Variants in DCLK1 observed in about 807,000 individuals in gnomAD.
The protein encoded by DCLK1 is serine/threonine-protein kinase DCLK1.
In DCLK1, 16 loss-of-function variants were observed where a neutral mutation model predicts 86.2. That is an observed-to-expected ratio of 0.19 (90% CI 0.13 to 0.28). The LOEUF is 0.28. Among genes scored for constraint, DCLK1 ranks in the 10% least tolerant of loss-of-function variants. The pLI is 1.00. For synonymous variants in DCLK1, 369 were observed against 370.5 expected (o/e 1.00, Z 0.05); for missense variants, 590 against 940.2 (o/e 0.63, Z 4.87).
intron 11 of DCLK1, among the ~76,000 whole-genome samples, chr13:35,818,405 G>A (rs900402681): frequency 6.6e-5 from 10 of 152,200 alleles, no homozygotes; most frequent in South Asian, 2.1e-4. Context: ...AATCCACTGC[G>A]TGAAAACAAG....
intron 3 of DCLK1, among the ~76,000 whole-genome samples, chr13:36,059,495 A>T (rs1883458913): frequency 6.6e-6 from 1 of 152,148 alleles, no homozygotes; most frequent in Non-Finnish European, 1.5e-5. Flanking sequence ...CCCTCCAGAG[A>T]CTATTTTCTC....
intron 15 of DCLK1, among the ~76,000 whole-genome samples, chr13:35,796,227 C>T (rs534947616): frequency 6.6e-6 from 1 of 152,182 alleles, no homozygotes; most frequent in South Asian, 2.1e-4. Flanking sequence ...CAGGCTACCT[C>T]GGGCAAAATG....
chr13:35,776,882 C>G (rs1566525861), intron 16 of DCLK1, among the ~76,000 whole-genome samples: 1 of 152,196 alleles, frequency 6.6e-6, no homozygotes, highest in Non-Finnish European at 1.5e-5. Flanking sequence ...CTGAAATACA[C>G]CATTCTCCAC....
intron 3 of DCLK1, among the ~76,000 whole-genome samples, chr13:35,956,383 A>T (rs189892977): frequency 1.4e-4 from 21 of 152,308 alleles, no homozygotes; most frequent in African/African-American, 4.8e-4. Context: ...GCAAGTAGGT[A>T]GTTAACATTG....
chr13:35,785,730 A>G (rs902315562), intron 16 of DCLK1, among the ~76,000 whole-genome samples: 1 of 152,164 alleles, frequency 6.6e-6, no homozygotes, highest in African/African-American at 2.4e-5. Flanking sequence ...AAAAACAGCC[A>G]TGAGCGCTTT....
intron 4 of DCLK1, among the ~76,000 whole-genome samples, chr13:35,897,445 T>C (rs1325252957): frequency 6.6e-6 from 1 of 152,118 alleles, no homozygotes; most frequent in African/African-American, 2.4e-5. Context: ...GAGATCTGAC[T>C]TTTTAGGAGC....
At chr13:35,861,038 A>T (rs973082788) in intron 5 of DCLK1, among the ~76,000 whole-genome samples, 9 of 152,228 alleles carry the variant, frequency 5.9e-5, no homozygotes, top group African/African-American at 2.2e-4. Flanking sequence ...GGAAAGGAAG[A>T]TGTCCTTCAC....
intron 6 of DCLK1, among the ~76,000 whole-genome samples, chr13:35,839,971 A>G (rs2153108065): frequency 6.6e-6 from 1 of 152,334 alleles, no homozygotes; most frequent in Non-Finnish European, 1.5e-5. Context: ...TGCACATTTC[A>G]ATGCTATTTC....
At chr13:36,056,906 A>ATATATATATAT in intron 3 of DCLK1, among the ~76,000 whole-genome samples, 2 of 130,174 alleles carry the variant, frequency 1.5e-5, no homozygotes, top group South Asian at 4.9e-4. Context: ...AAAAAAAAAA[A>ATATATATATAT]ATATATATAT....
rs562246474 is a variant in DCLK1 at position 35,896,103 on chromosome 13, G to A, written c.824-24763C>T. 2.5e-3 allele frequency among the ~76,000 whole-genome samples: 377 copies of A among 152,182 alleles called. 1 individual carries two copies. Among genetic ancestry groups the A allele is most frequent in the Non-Finnish European group, 4.3e-3 (290 of 67,992 alleles). Reference sequence around the variant, plus strand: ...GTTAAACGTATATATGCCCCAAAAGGAAAGTAATATTTTGAATATTTATTT... The same window carrying A: ...GTTAAACGTATATATGCCCCAAAAGAAAAGTAATATTTTGAATATTTATTT... On this transcript the variant is annotated intron_variant, in intron 4 of 16. Coordinates refer to ENST00000360631, the MANE Select transcript of DCLK1 (RefSeq NM_001330071.2).
At chr13:36,027,581 C>G (rs1882094284) in intron 3 of DCLK1, among the ~76,000 whole-genome samples, 1 of 152,198 alleles carries the variant, frequency 6.6e-6, no homozygotes, top group South Asian at 2.1e-4. Context: ...ATGTCAACAA[C>G]TGATCCTCCA....
chr13:36,094,178 C>T (rs1192274217), intron 3 of DCLK1, among the ~76,000 whole-genome samples: 1 of 152,188 alleles, frequency 6.6e-6, no homozygotes, highest in Non-Finnish European at 1.5e-5. Context: ...CACCCCTCCA[C>T]AAATCATCTT....
chr13:36,114,176 G>C (rs917560129), intron 2 of DCLK1, among the ~76,000 whole-genome samples: 7 of 152,336 alleles, frequency 4.6e-5, no homozygotes, highest in Non-Finnish European at 7.4e-5. Context: ...AACATGGAGT[G>C]AGTTTGTTAA....
chr13:35,905,699 G>A (rs1478639204), intron 4 of DCLK1, among the ~76,000 whole-genome samples: 4 of 152,052 alleles, frequency 2.6e-5, no homozygotes, highest in Non-Finnish European at 4.4e-5. Flanking sequence ...TATTCCCAGC[G>A]CATTGGGAGG....
intron 3 of DCLK1, among the ~76,000 whole-genome samples, chr13:36,046,788 G>T (rs534801357): frequency 6.6e-6 from 1 of 152,314 alleles, no homozygotes; most frequent in Non-Finnish European, 1.5e-5. Context: ...ACAACAGAAT[G>T]AAATTGAAAT....
chr13:35,890,011 T>C (rs545913514), intron 4 of DCLK1, among the ~76,000 whole-genome samples: 168 of 152,150 alleles, frequency 1.1e-3, no homozygotes, highest in Non-Finnish European at 2.0e-3. Flanking sequence ...TTTAACAGTG[T>C]TTGTTTCCCT....
chr13:35,908,730 G>A (rs1036787876), intron 4 of DCLK1, among the ~76,000 whole-genome samples: 19 of 152,056 alleles, frequency 1.2e-4, no homozygotes, highest in Non-Finnish European at 2.6e-4. Flanking sequence ...CTGACTCCTG[G>A]GTTCAAGCGA....
intron 3 of DCLK1, among the ~76,000 whole-genome samples, chr13:36,097,677 C>T (rs1230060134): frequency 2.0e-5 from 3 of 152,158 alleles, no homozygotes; most frequent in African/African-American, 4.8e-5. Flanking sequence ...GCTTTCTCAA[C>T]ATTTACTGTC....
chr13:36,088,408 TG>T (rs1474168992), intron 3 of DCLK1, among the ~76,000 whole-genome samples: 1 of 152,226 alleles, frequency 6.6e-6, no homozygotes, highest in Non-Finnish European at 1.5e-5. Flanking sequence ...AGCAGCCTCA[TG>T]TAGGGTCCAG....
Sources: gnomAD v4.1 joint callset for allele counts (sites outside exome capture counted in the v4.1 genomes callset) on GRCh38, gnomAD v4.1.1 for gene constraint, MANE v1.5 for transcripts, NCBI Gene and HGNC (gene_info 2026-07-23, HGNC 2026-07-21) for gene names.